The following DCAF5 variants were observed in gnomAD, a reference collection of about 807,000 sequenced individuals.
DCAF5 encodes DDB1 and CUL4 associated factor 5, also known as DDB1- and CUL4-associated factor 5.
In DCAF5, 9 loss-of-function variants were observed where a neutral mutation model predicts 80.7. The ratio of observed to expected loss-of-function variants is 0.11; its 90% CI spans 0.07 to 0.19. DCAF5 has a LOEUF of 0.19. Among genes scored for constraint, DCAF5 ranks in the 10% least tolerant of loss-of-function variants. DCAF5 has a pLI of 1.00. For synonymous variants in DCAF5, 433 were observed against 461.9 expected, an observed-to-expected ratio of 0.94 and a Z score of 0.80; for missense variants, 842 against 1,205.7, an observed-to-expected ratio of 0.70 and a Z score of 4.47.
chr14:69,061,986 C>T (rs973466518), intron 8 of DCAF5, among the ~76,000 whole-genome samples: 1 of 152,092 alleles, frequency 6.6e-6, no homozygotes, highest in Non-Finnish European at 1.5e-5. Flanking sequence ...AACACCCTGT[C>T]TCTAAAAAAA....
At chr14:69,149,060 G>T (rs1374376878) in intron 1 of DCAF5, among the ~76,000 whole-genome samples, 1 of 152,174 alleles carries the variant, frequency 6.6e-6, no homozygotes, top group African/African-American at 2.4e-5. Context: ...GAATACAAAA[G>T]AGAAAGAAAA....
chr14:69,116,172 A>G (rs937265197), intron 5 of DCAF5, among the ~76,000 whole-genome samples, 194 bp downstream of exon 5: 2 of 152,202 alleles, frequency 1.3e-5, no homozygotes, highest in Admixed American at 1.3e-4. Context: ...ATTCCTCCTC[A>G]GCAAGGAGTA....
intron 1 of DCAF5, among the ~76,000 whole-genome samples, chr14:69,127,030 G>T (rs1007093159): frequency 2.6e-5 from 4 of 152,196 alleles, no homozygotes; most frequent in African/African-American, 4.8e-5. Context: ...CTCATTCATT[G>T]CTGGTAGGAT....
At chr14:69,129,734 G>A (rs1019704786) in intron 1 of DCAF5, among the ~76,000 whole-genome samples, 2 of 152,178 alleles carry the variant, frequency 1.3e-5, no homozygotes, top group Admixed American at 1.3e-4. Flanking sequence ...AGGGACCCTA[G>A]CCCCAGCCTC....
At chr14:69,105,914 CAT>C (rs35075766) in intron 5 of DCAF5, among the ~76,000 whole-genome samples, 8,803 of 49,822 alleles carry the variant, frequency 0.18, 1,593 homozygotes, top group Admixed American at 0.3. Context: ...AATAAACTGT[CAT>C]ATATATATAT....
chr14:69,056,764 G>A (rs1164610474), intron 8 of DCAF5, among the ~76,000 whole-genome samples: 4 of 152,146 alleles, frequency 2.6e-5, no homozygotes, highest in East Asian at 1.9e-4. Flanking sequence ...ATTCTCCTGA[G>A]TCCCATTCCT....
In DCAF5 at chr14:69,055,980, T is replaced by C. The variant is rs913253725; in HGVS notation, c.1075-369A>G. On this transcript the variant is annotated intron_variant, in intron 8 of 8. Coordinates refer to ENST00000341516, the MANE Select transcript of DCAF5 (RefSeq NM_003861.3). This position sits in a 1 kb window ranked among gnomAD's most constrained non-coding sequence, Gnocchi z 5.6. ...ACATTATAATAATAATCCTGGAGAATAGAGGATGACTTGAAGATTTCCCAA... is the reference window on the plus strand; with the variant it reads ...ACATTATAATAATAATCCTGGAGAACAGAGGATGACTTGAAGATTTCCCAA... 4.6e-5 allele frequency among the ~76,000 whole-genome samples: 7 copies of C among 152,172 alleles called. No individual in the cohort carries two copies. The highest frequency in any genetic ancestry group is 1.7e-4 in the African/African-American group (7 of 41,424).
rs944095921 is a variant in DCAF5, at chr14:69,137,552, A to ATT, written c.215-15194_215-15193dup. On this transcript the variant is annotated intron_variant, in intron 1 of 8. Coordinates refer to ENST00000341516, the MANE Select transcript of DCAF5 (RefSeq NM_003861.3). ...AAGCTTTCTTGTCTCTTCTTTGGCA[A>ATT]TTCTAAAAAGACTGAATCAGTGAAG... 1.6e-3 allele frequency among the ~76,000 whole-genome samples: 244 copies of ATT among 152,270 alleles called. 5 individuals are homozygous for ATT. The highest frequency in any genetic ancestry group is 7.7e-4 in the East Asian group (4 of 5,184).
chr14:69,058,004 T>C (rs906374437), intron 8 of DCAF5, among the ~76,000 whole-genome samples: 3 of 152,166 alleles, frequency 2.0e-5, no homozygotes, highest in African/African-American at 7.2e-5. Context: ...AAATGTGATG[T>C]TTTCTCTTTC....
At chr14:69,087,643 C>T (rs1172401139) in intron 6 of DCAF5, among the ~76,000 whole-genome samples, 9 of 152,124 alleles carry the variant, frequency 5.9e-5, no homozygotes, top group Non-Finnish European at 1.3e-4. Flanking sequence ...GGGGGGAAGA[C>T]AGATTGTATA....
At position 69,052,218 on chromosome 14, in the gene DCAF5, G is replaced by A. The variant is rs987809208; in HGVS notation, c.*1639C>T. The A allele has an allele frequency of 9.2e-5, 14 of 152,506 alleles. No individual in the cohort carries two copies. Among genetic ancestry groups the A allele is most frequent in the African/African-American group, 3.1e-4 (13 of 41,538 alleles). The allele number at this position is 152,506 out of a possible 1,614,324, so 9.4% of individuals were successfully genotyped here. On this transcript the variant is annotated 3_prime_UTR_variant, in exon 9 of 9. Transcript: ENST00000341516. ...TTTTGGCTTAAACCAACCACCTTGT[G>A]TTTATAAATAACCCCCCCACCCCCA...
intron 6 of DCAF5, among the ~76,000 whole-genome samples, chr14:69,085,775 CAA>C: frequency 6.6e-6 from 1 of 152,226 alleles, no homozygotes; most frequent in Middle Eastern, 3.4e-3. Flanking sequence ...CCCCCTTCCT[CAA>C]AAAAAGTTTC....
At chr14:69,092,034 G>T in intron 5 of DCAF5, 147 bp from the exon 6 acceptor site, 1 of 641,074 alleles carries the variant, frequency 1.6e-6, no homozygotes. Context: ...AATAATGAGG[G>T]TAGCAACGCT....
In DCAF5 at chr14:69,091,078, C is replaced by T. The variant is rs764658821; in HGVS notation, c.879+596G>A. The T allele has an allele frequency of 8.0e-6, 6 of 754,680 alleles. No homozygotes were observed. In the Middle Eastern group the frequency reaches 6.8e-4, roughly 85 times the overall value. 46.7% of individuals were successfully genotyped at this position (754,680 alleles called of 1,614,324 possible). A position where few individuals can be genotyped will look rare whatever the true frequency, so the allele number is the denominator to read the frequency against. On this transcript the variant is annotated intron_variant, in intron 6 of 8. Coordinates refer to ENST00000341516, the MANE Select transcript of DCAF5 (RefSeq NM_003861.3). ...TCTTAAACTGCCAGCTTTAAGTCAACATCAGCATCTCCATTCCTGGTGAGA... is the reference window on the plus strand; with the variant it reads ...TCTTAAACTGCCAGCTTTAAGTCAATATCAGCATCTCCATTCCTGGTGAGA...
chr14:69,057,404 T>C (rs2139832321), intron 8 of DCAF5, among the ~76,000 whole-genome samples: 1 of 152,136 alleles, frequency 6.6e-6, no homozygotes, highest in South Asian at 2.1e-4. Context: ...ACCTCTCCAG[T>C]TTAAAAGTGG....
chr14:69,067,355 T>G (rs1167205004), intron 7 of DCAF5, among the ~76,000 whole-genome samples: 2 of 107,364 alleles, frequency 1.9e-5, no homozygotes, highest in East Asian at 1.0e-3. Context: ...TTTTTTTTTT[T>G]TTTTTTGAGA....
chr14:69,142,132 A>C (rs1349980756), intron 1 of DCAF5, among the ~76,000 whole-genome samples: 1 of 151,828 alleles, frequency 6.6e-6, no homozygotes, highest in Non-Finnish European at 1.5e-5. Flanking sequence ...CTGTCTCTAC[A>C]AAAAAAAATT....
chr14:69,112,422 C>T (rs888261982), intron 5 of DCAF5, among the ~76,000 whole-genome samples: 1 of 152,006 alleles, frequency 6.6e-6, no homozygotes, highest in Non-Finnish European at 1.5e-5. Flanking sequence ...CTAGAATGTA[C>T]AGGGACCCTA....
intron 5 of DCAF5, among the ~76,000 whole-genome samples, chr14:69,098,141 G>A (rs907793736): frequency 1.4e-5 from 1 of 69,086 alleles, no homozygotes; most frequent in South Asian, 4.6e-4. Context: ...CACCTCCTAG[G>A]ACTCTCTTAC....
Sources: gnomAD v4.1 joint callset for allele counts (sites outside exome capture counted in the v4.1 genomes callset) on GRCh38, gnomAD v4.1.1 for gene constraint, Gnocchi (gnomAD v3.1) non-coding constraint, MANE v1.5 for transcripts, NCBI Gene and HGNC (gene_info 2026-07-23, HGNC 2026-07-21) for gene names.